Variants in BBS2 observed in about 807,000 individuals in gnomAD.
The protein encoded by BBS2 is Bardet-Biedl syndrome 2, also known as BBSome complex member BBS2.
In BBS2, 62 loss-of-function variants were observed where a neutral mutation model predicts 83.0. The ratio of observed to expected loss-of-function variants is 0.75; its 90% CI spans 0.61 to 0.92. The LOEUF (loss-of-function observed/expected upper bound fraction) is 0.92. Ranked by LOEUF, BBS2 falls within the 40% of genes least tolerant of loss-of-function variation. The pLI is 0.00. For missense variants in BBS2, 784 were observed against 901.0 expected (o/e 0.87, Z 1.66); for synonymous variants, 303 against 326.1 (o/e 0.93, Z 0.76).
chr16:56,477,326 T>C (rs1421538671), intron 17 of BBS2: 4 of 152,180 alleles, frequency 2.6e-5, no homozygotes, highest in Non-Finnish European at 5.9e-5. Context: ...GTAGGCTTAG[T>C]GTAGTATTAT....
chr16:56,474,417 C>T (rs113381687), intron 17 of BBS2, among the ~76,000 whole-genome samples: 11,622 of 150,516 alleles, frequency 0.077, 666 homozygotes, highest in East Asian at 0.16. Context: ...GCCACCCGGG[C>T]TCAAGCAACT....
intron 13 of BBS2, among the ~76,000 whole-genome samples, chr16:56,498,167 A>C (rs1281850522): frequency 6.6e-6 from 1 of 152,190 alleles, no homozygotes; most frequent in Admixed American, 6.5e-5. Flanking sequence ...AAATTAGACA[A>C]GGAAGAGATG....
At chr16:56,471,827 C>G (rs1190556731) in intron 17 of BBS2, among the ~76,000 whole-genome samples, 2 of 152,208 alleles carry the variant, frequency 1.3e-5, no homozygotes, top group African/African-American at 4.8e-5. Context: ...ACAGGGTAGC[C>G]TTTCTTTGAA....
intron 16 of BBS2, 105 bp from the exon 17 acceptor site, chr16:56,484,972 A>C: frequency 2.4e-6 from 2 of 843,682 alleles, no homozygotes; most frequent in Non-Finnish European, 3.9e-6. Flanking sequence ...AAAGAGTTAT[A>C]CTTGAAATAT....
chr16:56,477,919 T>G (rs1963549729), intron 17 of BBS2: 1 of 152,214 alleles, frequency 6.6e-6, no homozygotes, highest in Non-Finnish European at 1.5e-5. Context: ...CTTTTAGGTT[T>G]AGTTTCAAAA....
intron 15 of BBS2, among the ~76,000 whole-genome samples, chr16:56,488,449 AG>A (rs1328126863): frequency 6.6e-6 from 1 of 152,172 alleles, no homozygotes; most frequent in East Asian, 1.9e-4. Flanking sequence ...CATAGAACCC[AG>A]GGAAACTTAA....
At chr16:56,480,888 G>T (rs1266149018), downstream of BBS2, among the ~76,000 whole-genome samples, 1 of 152,110 alleles carries the variant, frequency 6.6e-6, no homozygotes, top group East Asian at 1.9e-4. Context: ...AACGACTTGG[G>T]AACTGTCCAT....
At chr16:56,490,190 G>A (rs1963911612) in intron 15 of BBS2, among the ~76,000 whole-genome samples, 1 of 151,540 alleles carries the variant, frequency 6.6e-6, no homozygotes, top group Non-Finnish European at 1.5e-5. Flanking sequence ...TAGTCATAAG[G>A]AAAATGATAA....
chr16:56,511,129 G>A (rs1196284410), intron 3 of BBS2, 30 bp downstream of exon 3: 1 of 1,613,474 alleles, frequency 6.2e-7, no homozygotes, highest in Admixed American at 1.7e-5. Context: ...ATGCTTAAGG[G>A]TACCAAAAAG....
At chr16:56,499,107 G>A (rs1418605072) in intron 12 of BBS2, 4 of 194,734 alleles carry the variant, frequency 2.1e-5, no homozygotes, top group Non-Finnish European at 4.2e-5. Flanking sequence ...GGTTCCACAT[G>A]AGAACCACCC....
At chr16:56,508,680 C>T (rs201602648) in intron 5 of BBS2, among the ~76,000 whole-genome samples, 2 of 20 alleles carry the variant, frequency 0.1, no homozygotes, top group African/African-American at 0.25. Context: ...GTCTTGTTCT[C>T]GTTGCCCCTG....
rs771058694 is a variant in BBS2 at position 56,475,055 on chromosome 16, C to G, written c.*1-4360G>C. On this transcript the variant is annotated intron_variant, in intron 17 of 17. Transcript: ENST00000682047. Reference sequence around the variant, plus strand: ...CAATTCATAAGTAATTTGCCTAGTTCAGAATCTCACATCATGGGATCTCAA... The same window carrying G: ...CAATTCATAAGTAATTTGCCTAGTTGAGAATCTCACATCATGGGATCTCAA... The G allele has an allele frequency of 1.6e-5, 19 of 1,157,916 alleles. No individual in the cohort carries two copies. In the African/African-American group the frequency reaches 2.3e-4, roughly 14 times the overall value. The allele number at this position is 1,157,916 out of a possible 1,614,324, so 71.7% of individuals were successfully genotyped here.
At chr16:56,486,748 CTTTTT>C (rs1190474419) in intron 15 of BBS2, among the ~76,000 whole-genome samples, 3 of 84,216 alleles carry the variant, frequency 3.6e-5, no homozygotes, top group South Asian at 3.8e-4. Context: ...CAGAAATATT[CTTTTT>C]TTTTTTTTTT....
At chr16:56,472,816 A>G (rs755725080) in intron 17 of BBS2, among the ~76,000 whole-genome samples, 1 of 152,136 alleles carries the variant, frequency 6.6e-6, no homozygotes, top group Non-Finnish European at 1.5e-5. Context: ...TCCACTTAAT[A>G]TTTCATAAAC....
rs1325859248 is a variant in BBS2, at chr16:56,509,988, T to C, written c.581A>G (p.Asp194Gly). The change falls in exon 5 of 17, where the codon GAT becomes GGT. Residue 194 changes from aspartate (D) to glycine (G), a missense_variant. Physicochemically the swap from Asp to Gly is moderately conservative, Grantham distance 94. Coordinates refer to ENST00000245157, the MANE Select transcript of BBS2 (RefSeq NM_031885.5). ...TTCTGTCATTTCTGCCACAATCTCA[T>C]CTTCCTTAAAAACTCGGATATCAAA... is the stretch of plus-strand genomic sequence containing the variant. ...EDFDIRVFKE[D>G]EIVAEMTETE... 2 of 1,614,136 alleles carry C rather than the reference T, an allele frequency of 1.2e-6. No homozygotes were observed. The highest frequency in any genetic ancestry group is 3.3e-5 in the Admixed American group (2 of 60,032).
intron 17 of BBS2, among the ~76,000 whole-genome samples, chr16:56,473,813 C>CT (rs1254737181): frequency 5.0e-4 from 72 of 144,764 alleles, no homozygotes; most frequent in East Asian, 6.0e-4. Flanking sequence ...TATTAACCTT[C>CT]TTTTTTTTTT....
At chr16:56,512,840 C>T (rs1964617388) in intron 2 of BBS2, among the ~76,000 whole-genome samples, 1 of 152,120 alleles carries the variant, frequency 6.6e-6, no homozygotes, top group South Asian at 2.1e-4. Context: ...GTACATTTTA[C>T]CTCAACAAAA....
intron 11 of BBS2, 121 bp from the exon 12 acceptor site, chr16:56,500,028 G>C (rs549727972): frequency 9.8e-6 from 12 of 1,224,998 alleles, no homozygotes; most frequent in Non-Finnish European, 1.2e-5. Flanking sequence ...TTTCACTTAA[G>C]AAGGAACCCC....
chr16:56,474,447 G>C (rs1053579418), intron 17 of BBS2, among the ~76,000 whole-genome samples: 1 of 150,752 alleles, frequency 6.6e-6, no homozygotes, highest in Non-Finnish European at 1.5e-5. Context: ...TAAGCCTCCC[G>C]GGTAGCTGGA....
Sources: allele counts gnomAD v4.1 joint callset (sites outside exome capture counted in the v4.1 genomes callset), GRCh38; gene constraint gnomAD v4.1.1; transcripts MANE v1.5; gene names NCBI Gene and HGNC (gene_info 2026-07-23, HGNC 2026-07-21).